Variants in IL10RB observed in about 807,000 individuals in gnomAD.
IL10RB encodes the protein interleukin-10 receptor subunit beta.
Under a neutral mutation model 38.7 loss-of-function variants are expected in IL10RB, and 30 were observed. That is an observed-to-expected ratio of 0.78 (90% CI 0.58 to 1.05). The LOEUF (loss-of-function observed/expected upper bound fraction) is 1.05, where lower values mean the gene tolerates loss of function less well. Among genes scored for constraint, IL10RB ranks in the 50% least tolerant of loss-of-function variants. IL10RB has a pLI of 0.00. For synonymous variants in IL10RB, 142 were observed against 145.9 expected, an observed-to-expected ratio of 0.97 and a Z score of 0.19; for missense variants, 328 against 397.1, an observed-to-expected ratio of 0.83 and a Z score of 1.48.
At chr21:33,269,207 T>A (rs768713225) in intron 2 of IL10RB, among the ~76,000 whole-genome samples, 1 of 152,236 alleles carries the variant, frequency 6.6e-6, no homozygotes, top group Non-Finnish European at 1.5e-5. Context: ...CTGAACGCCC[T>A]CTACCTCTCC....
At chr21:33,280,702 T>C (rs760023810) in intron 4 of IL10RB, among the ~76,000 whole-genome samples, 4 of 152,332 alleles carry the variant, frequency 2.6e-5, no homozygotes, top group East Asian at 3.9e-4. Flanking sequence ...AACTGACATA[T>C]ATATGTTATG....
chr21:33,274,218 C>G (rs534463290), intron 2 of IL10RB, among the ~76,000 whole-genome samples: 18 of 152,264 alleles, frequency 1.2e-4, no homozygotes, highest in Non-Finnish European at 2.1e-4. Context: ...TGGAGTCTCA[C>G]TCTGTTGCCC....
At chr21:33,277,587 C>T (rs189064554) in intron 3 of IL10RB, among the ~76,000 whole-genome samples, 1 of 151,320 alleles carries the variant, frequency 6.6e-6, no homozygotes, top group Non-Finnish European at 1.5e-5. Context: ...TGGTGGCTCA[C>T]GTCTATGATC....
At chr21:33,289,400 G>C (rs1442062510) in intron 6 of IL10RB, among the ~76,000 whole-genome samples, 2 of 151,000 alleles carry the variant, frequency 1.3e-5, no homozygotes, top group Non-Finnish European at 2.9e-5. Context: ...TGCTGGTGTC[G>C]GGACCACAAA....
At chr21:33,294,136 T>A in intron 6 of IL10RB, 1 of 456,926 alleles carries the variant, frequency 2.2e-6, no homozygotes, top group Non-Finnish European at 4.5e-6. Flanking sequence ...CTGTAAGATC[T>A]GAGAAATCAG....
intron 5 of IL10RB, among the ~76,000 whole-genome samples, chr21:33,286,908 G>T (rs1434331382): frequency 6.6e-6 from 1 of 152,092 alleles, no homozygotes; most frequent in Admixed American, 6.6e-5. Context: ...AATGCGTGGG[G>T]AGTTGAGCAG....
At chr21:33,309,747 A>C (rs887054954) in exon 2 of IL10RB, 4 of 152,212 alleles carry the variant, frequency 2.6e-5, no homozygotes, top group African/African-American at 9.7e-5. Context: ...AGAGAATAAC[A>C]GTTTAAGTCC....
intron 1 of IL10RB, among the ~76,000 whole-genome samples, chr21:33,267,706 G>A (rs770565835): frequency 1.7e-4 from 26 of 151,786 alleles, no homozygotes; most frequent in Admixed American, 8.5e-4. Context: ...ATTGGAGATG[G>A]GGTTTCGCCA....
chr21:33,281,287 G>A, intron 4 of IL10RB, among the ~76,000 whole-genome samples: 1 of 152,204 alleles, frequency 6.6e-6, no homozygotes, highest in East Asian at 1.9e-4. Context: ...AAGCCCTGGG[G>A]TATAAAGATA....
At chr21:33,286,642 G>A (rs113014440) in intron 5 of IL10RB, among the ~76,000 whole-genome samples, 75 of 152,014 alleles carry the variant, frequency 4.9e-4, no homozygotes, top group African/African-American at 1.8e-3. Flanking sequence ...CTTGAACCCA[G>A]GAGTTCGAGA....
At chr21:33,281,057 G>A (rs1004471459) in intron 4 of IL10RB, among the ~76,000 whole-genome samples, 2 of 152,204 alleles carry the variant, frequency 1.3e-5, no homozygotes, top group African/African-American at 4.8e-5. Context: ...GAGCACTGGC[G>A]TGCTCTGCCT....
chr21:33,275,331 T>C (rs1044486753), intron 2 of IL10RB, among the ~76,000 whole-genome samples: 19 of 152,108 alleles, frequency 1.2e-4, no homozygotes, highest in African/African-American at 3.9e-4. Context: ...AATTTTTTTG[T>C]ATTTTTAGTA....
chr21:33,290,216 G>A (rs1264601847), intron 6 of IL10RB, among the ~76,000 whole-genome samples: 3 of 151,598 alleles, frequency 2.0e-5, no homozygotes, highest in Non-Finnish European at 2.9e-5. Flanking sequence ...GCTTGAACTC[G>A]GGAGGTGGAA....
intron 2 of IL10RB, among the ~76,000 whole-genome samples, chr21:33,274,349 T>G (rs1004314745): frequency 3.3e-5 from 5 of 152,038 alleles, no homozygotes; most frequent in African/African-American, 1.2e-4. Context: ...TTGTATTTTT[T>G]TTTTAGTAAA....
intron 1 of IL10RB, chr21:33,308,167 C>G (rs984459990): frequency 6.6e-6 from 1 of 152,192 alleles, no homozygotes; most frequent in Non-Finnish European, 1.5e-5. Flanking sequence ...TGATGGCTTC[C>G]TTTTCCTTTC....
chr21:33,294,499 G>A (rs944898796), intron 6 of IL10RB, among the ~76,000 whole-genome samples: 1 of 152,036 alleles, frequency 6.6e-6, no homozygotes, highest in African/African-American at 2.4e-5. Context: ...GGAAAATCCA[G>A]AGTAGCTTCC....
chr21:33,309,784 A>C (rs1320099684), exon 2 of IL10RB: 2 of 152,236 alleles, frequency 1.3e-5, no homozygotes, highest in Non-Finnish European at 2.9e-5. Context: ...CCTCTACTAC[A>C]TGTTTCATTC....
intron 1 of IL10RB, among the ~76,000 whole-genome samples, chr21:33,267,743 T>C (rs1311106025): frequency 6.6e-6 from 1 of 152,168 alleles, no homozygotes; most frequent in East Asian, 1.9e-4. Context: ...CTCGAACTCC[T>C]GACCTCAGGT....
At position 33,283,106 on chromosome 21, in the gene IL10RB, C is replaced by A. The variant is rs752902509; in HGVS notation, c.511C>A (p.Pro171Thr). The change falls in exon 5 of 7, where the codon CCC becomes ACC. Residue 171 changes from proline to threonine, a missense_variant. Transcript: ENST00000290200. ...NGTDEKFQIT[P>T]QYDFEVLRNL... ...TCTCCATTACTAGTTTCAAATTACT[C>A]CCCAGTATGACTTTGAGGTCCTCAG... The A allele has an allele frequency of 6.2e-6, 10 of 1,612,888 alleles. No individual in the cohort carries two copies. The Admixed American group carries it at 1.5e-4, about 24-fold the overall frequency.
Sources: allele counts gnomAD v4.1 joint callset (sites outside exome capture counted in the v4.1 genomes callset), GRCh38; gene constraint gnomAD v4.1.1; transcripts MANE v1.5; gene names NCBI Gene and HGNC (gene_info 2026-07-23, HGNC 2026-07-21).